CYP4X1: variants seen among roughly 807,000 people sequenced by gnomAD.
CYP4X1 encodes cytochrome P450 4X1.
CYP4X1 carries 44 observed loss-of-function variants against 57.9 expected under a neutral mutation model. The ratio of observed to expected loss-of-function variants is 0.76; its 90% CI spans 0.60 to 0.98. The LOEUF is 0.98. CYP4X1 is among the 50% of genes least tolerant of loss of function. The pLI is 0.00. For missense variants in CYP4X1, 532 were observed against 623.9 expected, an observed-to-expected ratio of 0.85 and a Z score of 1.57; for synonymous variants, 227 against 228.6, an observed-to-expected ratio of 0.99 and a Z score of 0.06.
At chr1:46,978,121 A>G in the CYP4X1 span, among the ~76,000 whole-genome samples, 35 of 152,252 alleles carry the variant, frequency 2.3e-4, no homozygotes, top group East Asian at 6.6e-3. Context: ...ATTCATGCAT[A>G]ACAATATTAA....
At chr1:47,044,135 T>C (rs143727289) in intron 8 of CYP4X1, among the ~76,000 whole-genome samples, 5 of 152,310 alleles carry the variant, frequency 3.3e-5, no homozygotes, top group Non-Finnish European at 7.4e-5. Context: ...TTGTTAATTG[T>C]TTTCTTGATG....
chr1:47,011,454 C>T, the CYP4X1 span, among the ~76,000 whole-genome samples: 1 of 152,052 alleles, frequency 6.6e-6, no homozygotes, highest in African/African-American at 2.4e-5. Flanking sequence ...CCATAAAAAC[C>T]CTAGAAGAAA....
At chr1:46,970,851 C>G in the CYP4X1 span, among the ~76,000 whole-genome samples, 1 of 152,140 alleles carries the variant, frequency 6.6e-6, no homozygotes, top group Admixed American at 6.6e-5. Flanking sequence ...CTTAAAAACC[C>G]CTGGTGTGAA....
At chr1:47,052,014 A>C (rs538830293), downstream of CYP4X1, among the ~76,000 whole-genome samples, 1 of 152,230 alleles carries the variant, frequency 6.6e-6, no homozygotes, top group East Asian at 1.9e-4. Context: ...GGTCTTACCT[A>C]TTTGGGGTCA....
At chr1:46,992,173 G>A in the CYP4X1 span, among the ~76,000 whole-genome samples, 6 of 152,196 alleles carry the variant, frequency 3.9e-5, no homozygotes, top group Admixed American at 6.5e-5. Context: ...TAAATTAGCT[G>A]AGTGCGAAGG....
chr1:46,977,889 A>G, the CYP4X1 span, among the ~76,000 whole-genome samples: 1 of 152,098 alleles, frequency 6.6e-6, no homozygotes, highest in African/African-American at 2.4e-5. Flanking sequence ...TTCATAAGAG[A>G]AGGAGAAATA....
the CYP4X1 span, among the ~76,000 whole-genome samples, chr1:46,996,571 A>C: frequency 6.6e-6 from 1 of 152,232 alleles, no homozygotes; most frequent in African/African-American, 2.4e-5. Flanking sequence ...TATGAATAAG[A>C]GTATAACAAA....
the CYP4X1 span, among the ~76,000 whole-genome samples, chr1:46,993,927 T>C: frequency 6.6e-6 from 1 of 152,246 alleles, no homozygotes; most frequent in Non-Finnish European, 1.5e-5. Flanking sequence ...AGAAGCTCTT[T>C]AGTTTAATTA....
In CYP4X1 at chr1:47,032,133, G is replaced by A. The variant is rs78797376; in HGVS notation, c.364+653G>A. On this transcript the variant is annotated intron_variant, in intron 3 of 11. Transcript: ENST00000371901. ...TTATCCTTCTCTCGTTTTCTTGGATGTTTTCCTTTCTTTTTGGAGTTCCTT... is the reference window on the plus strand; with the variant it reads ...TTATCCTTCTCTCGTTTTCTTGGATATTTTCCTTTCTTTTTGGAGTTCCTT... Among the ~76,000 whole-genome samples the A allele has an allele frequency of 3.7e-3, 560 of 151,976 alleles. 8 individuals are homozygous for A. The highest frequency in any genetic ancestry group is 0.013 in the African/African-American group (531 of 41,458).
intron 8 of CYP4X1, chr1:47,039,736 A>G (rs575140177): frequency 2.3e-4 from 90 of 391,332 alleles, no homozygotes; most frequent in Non-Finnish European, 2.3e-4. Context: ...TTATTTATCC[A>G]TAAATTGTCT....
chr1:47,049,589 A>G, intron 11 of CYP4X1, 85 bp downstream of exon 11: 1 of 1,219,122 alleles, frequency 8.2e-7, no homozygotes, highest in Non-Finnish European at 1.2e-6. Flanking sequence ...AGCTCTATAC[A>G]TTCTTCCAGG....
At chr1:46,986,080 A>T in the CYP4X1 span, among the ~76,000 whole-genome samples, 1 of 152,304 alleles carries the variant, frequency 6.6e-6, no homozygotes, top group East Asian at 1.9e-4. Context: ...CTCCGAGCTA[A>T]AGGAGCTTGT....
At chr1:47,005,137 C>T in the CYP4X1 span, among the ~76,000 whole-genome samples, 23 of 152,302 alleles carry the variant, frequency 1.5e-4, no homozygotes, top group Admixed American at 7.2e-4. Flanking sequence ...GGACCTCAAC[C>T]TCTCCAAAGG....
At chr1:47,023,613 C>G, upstream of CYP4X1, 1 of 1,328,120 alleles carries the variant, frequency 7.5e-7, no homozygotes, top group Non-Finnish European at 9.6e-7. Flanking sequence ...TGGTAACCGG[C>G]TAGAAATCCC....
chr1:47,038,795 C>A, intron 7 of CYP4X1, 29 bp downstream of exon 7: 1 of 1,580,730 alleles, frequency 6.3e-7, no homozygotes, highest in South Asian at 1.1e-5. Flanking sequence ...TAAGCCTGCT[C>A]AAGTGACCAG....
intron 6 of CYP4X1, among the ~76,000 whole-genome samples, chr1:47,037,347 C>G (rs1032589664): frequency 6.8e-6 from 1 of 146,792 alleles, no homozygotes; most frequent in Admixed American, 7.0e-5. Context: ...TCTCAGCTCA[C>G]TACAACCTCC....
the CYP4X1 span, among the ~76,000 whole-genome samples, chr1:47,016,606 G>A: frequency 6.6e-6 from 1 of 152,314 alleles, no homozygotes; most frequent in East Asian, 1.9e-4. Flanking sequence ...CTCCCAAAGT[G>A]CTGGGATTAC....
chr1:46,983,701 G>A, the CYP4X1 span, among the ~76,000 whole-genome samples: 1 of 152,144 alleles, frequency 6.6e-6, no homozygotes, highest in Non-Finnish European at 1.5e-5. Context: ...ATAGTCCTTA[G>A]GCTTCTTGCT....
At chr1:47,036,459 G>C (rs892225486) in intron 6 of CYP4X1, among the ~76,000 whole-genome samples, 2 of 149,462 alleles carry the variant, frequency 1.3e-5, no homozygotes, top group East Asian at 4.1e-4. Flanking sequence ...GACATACATG[G>C]AATATGGCTT....
Sources: gnomAD v4.1 joint callset for allele counts (sites outside exome capture counted in the v4.1 genomes callset) on GRCh38, gnomAD v4.1.1 for gene constraint, MANE v1.5 for transcripts, NCBI Gene and HGNC (gene_info 2026-07-23, HGNC 2026-07-21) for gene names.